Variants in NPSR1 observed in about 807,000 individuals in gnomAD.
NPSR1 encodes neuropeptide S receptor 1.
Under a neutral mutation model 46.9 loss-of-function variants are expected in NPSR1, and 48 were observed. The observed-to-expected ratio is 1.02, with a 90% CI of 0.81 to 1.30. NPSR1 has a LOEUF of 1.30. Among genes scored for constraint, NPSR1 ranks in the 50% most tolerant of loss-of-function variants. NPSR1 has a pLI of 0.00. For synonymous variants in NPSR1, 176 were observed against 168.1 expected (o/e 1.05, Z -0.36); for missense variants, 450 against 449.5 (o/e 1.00, Z -0.01).
intron 2 of NPSR1, among the ~76,000 whole-genome samples, chr7:34,713,878 A>C (rs1783422998): frequency 6.6e-6 from 1 of 152,280 alleles, no homozygotes; most frequent in African/African-American, 2.4e-5. Flanking sequence ...TCCACTGGAC[A>C]CATTCAGGGA....
intron 1 of NPSR1, among the ~76,000 whole-genome samples, chr7:34,659,801 T>C (rs940473561): frequency 6.6e-6 from 1 of 152,160 alleles, no homozygotes; most frequent in Admixed American, 6.5e-5. Flanking sequence ...ATCCCCTTTA[T>C]GAAATCAGCC....
intron 3 of NPSR1, among the ~76,000 whole-genome samples, chr7:34,790,744 A>G (rs1294630165): frequency 1.6e-5 from 2 of 123,040 alleles, no homozygotes; most frequent in Non-Finnish European, 3.3e-5. Context: ...TATGTTATAT[A>G]TAATATATGT....
At chr7:34,856,550 G>A (rs1248431385) in intron 8 of NPSR1, among the ~76,000 whole-genome samples, 1 of 151,608 alleles carries the variant, frequency 6.6e-6, no homozygotes, top group African/African-American at 2.4e-5. Flanking sequence ...CTTCTTCTTA[G>A]GGGAAAGAGA....
At chr7:34,781,949 T>C (rs1192195328) in intron 3 of NPSR1, among the ~76,000 whole-genome samples, 1 of 152,202 alleles carries the variant, frequency 6.6e-6, no homozygotes. Flanking sequence ...AGAGCCATTA[T>C]AATTCTGTGC....
intron 4 of NPSR1, among the ~76,000 whole-genome samples, chr7:34,825,394 A>G (rs776092954): frequency 2.0e-5 from 3 of 152,224 alleles, no homozygotes; most frequent in Non-Finnish European, 4.4e-5. Flanking sequence ...AGGGCTTCAC[A>G]TGATGACTCA....
chr7:34,850,930 G>C (rs1214069202), downstream of NPSR1, among the ~76,000 whole-genome samples: 2 of 152,142 alleles, frequency 1.3e-5, no homozygotes, highest in African/African-American at 4.8e-5. Context: ...AGTGCTGGTG[G>C]GGCTTATTTT....
intron 2 of NPSR1, chr7:34,686,062 T>C (rs1034280104): frequency 6.5e-6 from 1 of 153,118 alleles, no homozygotes; most frequent in African/African-American, 2.4e-5. Context: ...GAACTACATA[T>C]TCTTTCAGAA....
chr7:34,714,984 G>A (rs1783491227), intron 2 of NPSR1, among the ~76,000 whole-genome samples: 1 of 152,242 alleles, frequency 6.6e-6, no homozygotes, highest in Admixed American at 6.5e-5. Context: ...ATACTTCACA[G>A]TAATGATGTG....
At chr7:34,749,436 G>A (rs908282342) in intron 2 of NPSR1, among the ~76,000 whole-genome samples, 6 of 152,192 alleles carry the variant, frequency 3.9e-5, no homozygotes, top group East Asian at 1.9e-4. Flanking sequence ...TTCCAAACAC[G>A]TGGGACATTT....
intron 5 of NPSR1, among the ~76,000 whole-genome samples, chr7:34,830,205 G>A (rs1790052772): frequency 6.6e-6 from 1 of 151,824 alleles, no homozygotes; most frequent in Non-Finnish European, 1.5e-5. Context: ...CTATATTCTG[G>A]CCCCCTGGGC....
chr7:34,845,870 CT>C (rs967202097), intron 7 of NPSR1, among the ~76,000 whole-genome samples: 5 of 152,138 alleles, frequency 3.3e-5, no homozygotes, highest in African/African-American at 7.2e-5. Context: ...GTGCTATTTT[CT>C]TTTTTATTTA....
intron 3 of NPSR1, among the ~76,000 whole-genome samples, chr7:34,791,042 TTATA>T (rs548592481): frequency 3.3e-5 from 4 of 121,336 alleles, no homozygotes; most frequent in African/African-American, 1.5e-4. Context: ...ATATATTATA[TTATA>T]TATGTTATAT....
chr7:34,876,692 C>G (rs961276033), intron 8 of NPSR1, among the ~76,000 whole-genome samples: 3 of 152,174 alleles, frequency 2.0e-5, no homozygotes, highest in African/African-American at 7.2e-5. Context: ...GAAAGACTCT[C>G]TAATCATGGA....
chr7:34,728,567 T>C (rs2128712439), intron 2 of NPSR1, among the ~76,000 whole-genome samples: 1 of 152,300 alleles, frequency 6.6e-6, no homozygotes, highest in African/African-American at 2.4e-5. Flanking sequence ...GAGAAAATTC[T>C]CCCCCTCCTT....
At chr7:34,660,307 T>C (rs1791392932) in intron 1 of NPSR1, 3 of 402,096 alleles carry the variant, frequency 7.5e-6, no homozygotes, top group South Asian at 5.5e-5. Context: ...ACTAAAACCC[T>C]GTGATTTTTA....
At chr7:34,830,212 G>T (rs1013390467) in intron 5 of NPSR1, among the ~76,000 whole-genome samples, 4 of 152,118 alleles carry the variant, frequency 2.6e-5, no homozygotes, top group Non-Finnish European at 5.9e-5. Context: ...CTGGCCCCCT[G>T]GGCTCAATTC....
At chr7:34,808,389 T>G (rs1788811765) in intron 3 of NPSR1, among the ~76,000 whole-genome samples, 1 of 152,222 alleles carries the variant, frequency 6.6e-6, no homozygotes, top group African/African-American at 2.4e-5. Context: ...ATCTTTAACT[T>G]TTAGCTTTAA....
intron 7 of NPSR1, among the ~76,000 whole-genome samples, 167 bp downstream of exon 7, chr7:34,845,149 G>A (rs1429911760): frequency 1.3e-5 from 2 of 152,190 alleles, no homozygotes; most frequent in African/African-American, 4.8e-5. Context: ...TCCTTCAAGG[G>A]CTGACATTTG....
At chr7:34,698,279 T>G (rs1246458110) in intron 2 of NPSR1, among the ~76,000 whole-genome samples, 1 of 152,196 alleles carries the variant, frequency 6.6e-6, no homozygotes, top group Non-Finnish European at 1.5e-5. Flanking sequence ...ATTCACCAAA[T>G]TATATACTTA....
Sources: gnomAD v4.1 joint callset for allele counts (sites outside exome capture counted in the v4.1 genomes callset) on GRCh38, gnomAD v4.1.1 for gene constraint, MANE v1.5 for transcripts, NCBI Gene and HGNC (gene_info 2026-07-23, HGNC 2026-07-21) for gene names.